The following IGSF23 variants were observed in gnomAD, a reference collection of about 807,000 sequenced individuals.
IGSF23 encodes the protein immunoglobulin superfamily member 23.
A neutral mutation model predicts 17.8 loss-of-function variants in IGSF23; 14 were observed. The observed-to-expected ratio is 0.79, with a 90% CI of 0.52 to 1.23. The LOEUF is 1.23. Among genes scored for constraint, IGSF23 ranks in the 50% most tolerant of loss-of-function variants. The pLI is 0.00. For synonymous variants in IGSF23, 85 were observed against 92.5 expected (o/e 0.92, Z 0.46); for missense variants, 214 against 241.7 (o/e 0.89, Z 0.76).
rs189201550 is a variant in IGSF23, at chr19:44,613,594, G to A, written c.-52G>A. On this transcript the variant is annotated 5_prime_UTR_variant, in exon 1 of 5. Transcript: ENST00000402988. ...TGCCTTTGATGTGAGTGATAGGAGC[G>A]GGCGATTCTGCTTCTCCCTCCATCT... is the stretch of plus-strand genomic sequence containing the variant. 5.8e-5 allele frequency: 87 copies of A among 1,499,430 alleles called. No homozygotes were observed. The highest frequency in any genetic ancestry group is 2.1e-4 in the Admixed American group (10 of 47,090). 92.9% of individuals were successfully genotyped at this position (1,499,430 alleles called of 1,614,324 possible).
intron 1 of IGSF23, 69 bp downstream of exon 1, chr19:44,613,839 C>G (rs527890355): frequency 6.5e-7 from 1 of 1,546,684 alleles, no homozygotes; most frequent in African/African-American, 1.4e-5. Context: ...AGGGTGAGGC[C>G]GGGGCTGCAG....
At chr19:44,628,559 G>A (rs1972704381) in intron 3 of IGSF23, among the ~76,000 whole-genome samples, 1 of 152,050 alleles carries the variant, frequency 6.6e-6, no homozygotes, top group African/African-American at 2.4e-5. Flanking sequence ...ACCAGCCTGA[G>A]CAACATGACA....
rs765217807 is a variant in IGSF23 at position 44,613,625 on chromosome 19, C to T, written c.-21C>T. The T allele has an allele frequency of 5.2e-6, 8 of 1,527,194 alleles. No homozygotes were observed. The highest frequency in any genetic ancestry group is 3.6e-5 in the South Asian group (3 of 82,302). 94.6% of individuals were successfully genotyped at this position (1,527,194 alleles called of 1,614,324 possible). The stretch of plus-strand genomic sequence containing the variant: ...TTCTGCTTCTCCCTCCATCTCCCGG[C>T]GGGGATTGTACGGTGAGAGAATGAG... On this transcript the variant is annotated 5_prime_UTR_variant, in exon 1 of 5. Coordinates refer to ENST00000402988, the MANE Select transcript of IGSF23 (RefSeq NM_001205280.2).
chr19:44,613,792 C>T (rs1372572893), intron 1 of IGSF23, 22 bp downstream of exon 1: 13 of 1,549,848 alleles, frequency 8.4e-6, no homozygotes, highest in Non-Finnish European at 9.6e-6. Context: ...GGGGAAGTGG[C>T]CAGGGTAGGG....
chr19:44,627,615 T>C (rs1010370235), intron 3 of IGSF23, 42 bp downstream of exon 3: 2 of 1,520,074 alleles, frequency 1.3e-6, no homozygotes, highest in African/African-American at 1.4e-5. Flanking sequence ...CAACATCCAC[T>C]CAGCCCCCAT....
chr19:44,633,128 T>A (rs1399663242), intron 3 of IGSF23, among the ~76,000 whole-genome samples: 1 of 152,244 alleles, frequency 6.6e-6, no homozygotes, highest in African/African-American at 2.4e-5. Context: ...GGCTACAGTA[T>A]GTAAATGCAA....
rs762744162 is a variant in IGSF23, at chr19:44,623,732, T to C, written c.151T>C (p.Phe51Leu). ...CCTCCAACTAATGCCACTGAAGACATTCCCAGCTGCTATCCGGGGAGTCAT... is the reference window on the plus strand; with the variant it reads ...CCTCCAACTAATGCCACTGAAGACACTCCCAGCTGCTATCCGGGGAGTCAT... ...LVLQLMPLKT[F>L]PAAIRGVIQS... The change falls in exon 2 of 5, where the codon TTC (phenylalanine) becomes CTC (leucine). Residue 51 changes from phenylalanine (F) to leucine (L), a missense_variant. By Grantham distance (22) the Phe-to-Leu change is conservative (BLOSUM62 0). Transcript: ENST00000402988. The C allele has an allele frequency of 6.4e-7, 1 of 1,551,170 alleles. No individual in the cohort carries two copies. Among genetic ancestry groups the C allele is most frequent in the Non-Finnish European group, 8.7e-7 (1 of 1,147,124 alleles).
At chr19:44,618,981 TAAA>T (rs34199985) in intron 1 of IGSF23, among the ~76,000 whole-genome samples, 22 of 145,130 alleles carry the variant, frequency 1.5e-4, no homozygotes, top group African/African-American at 5.1e-4. Flanking sequence ...GTTATTTATT[TAAA>T]AAAAAAAAAA....
chr19:44,635,570 T>C (rs751104027), intron 4 of IGSF23, 105 bp downstream of exon 4: 4 of 786,184 alleles, frequency 5.1e-6, no homozygotes, highest in Non-Finnish European at 8.1e-6. Flanking sequence ...TCCCTGGTCA[T>C]TTGTCTGTGA....
chr19:44,613,854 G>C, intron 1 of IGSF23, 84 bp downstream of exon 1: 2 of 1,547,570 alleles, frequency 1.3e-6, no homozygotes, highest in Non-Finnish European at 1.7e-6. Flanking sequence ...CTGCAGACGC[G>C]ACTGTACAGG....
intron 3 of IGSF23, among the ~76,000 whole-genome samples, chr19:44,628,193 T>C (rs1045852471): frequency 1.3e-5 from 2 of 152,154 alleles, no homozygotes; most frequent in Non-Finnish European, 2.9e-5. Context: ...TCTGCCTACC[T>C]CAGCTTCCCA....
intron 1 of IGSF23, chr19:44,618,069 T>C (rs1481972709): frequency 4.2e-6 from 2 of 470,952 alleles, no homozygotes; most frequent in Non-Finnish European, 8.8e-6. Flanking sequence ...TTCCCTGCTC[T>C]TCCAAGGCGC....
intron 1 of IGSF23, among the ~76,000 whole-genome samples, chr19:44,616,760 A>AG (rs1972388615): frequency 6.6e-6 from 1 of 151,482 alleles, no homozygotes; most frequent in Non-Finnish European, 1.5e-5. Context: ...AAAAAAAAAA[A>AG]CAGTAAAAGT....
chr19:44,621,588 C>T (rs1972523036), intron 1 of IGSF23, among the ~76,000 whole-genome samples: 1 of 151,842 alleles, frequency 6.6e-6, no homozygotes, highest in African/African-American at 2.4e-5. Context: ...GATTGCACCA[C>T]TACACTCCAG....
intron 3 of IGSF23, among the ~76,000 whole-genome samples, chr19:44,632,929 T>C (rs546921775): frequency 1.3e-5 from 2 of 152,352 alleles, no homozygotes; most frequent in East Asian, 3.9e-4. Context: ...CTGTGTGGAA[T>C]GAACCACGTA....
chr19:44,618,933 T>C (rs763447999), intron 1 of IGSF23, among the ~76,000 whole-genome samples: 1 of 151,622 alleles, frequency 6.6e-6, no homozygotes, highest in Non-Finnish European at 1.5e-5. Context: ...TTGTGTTAGA[T>C]TGTTCTTCCA....
At chr19:44,633,675 A>C (rs929301181) in intron 3 of IGSF23, among the ~76,000 whole-genome samples, 5 of 152,222 alleles carry the variant, frequency 3.3e-5, no homozygotes, top group African/African-American at 9.7e-5. Context: ...CCAGTGCTGT[A>C]GAGAAATGAT....
intron 2 of IGSF23, among the ~76,000 whole-genome samples, chr19:44,626,509 T>C (rs189883475): frequency 1.1e-3 from 169 of 151,866 alleles, no homozygotes; most frequent in Middle Eastern, 6.8e-3. Flanking sequence ...ATCACCAGAG[T>C]GGGCAGGGCT....
chr19:44,613,705 C>T lies in IGSF23; in HGVS notation c.60C>T (p.Pro20=). 6.5e-7 allele frequency: 1 copy of T among 1,549,492 alleles called. No homozygotes were observed. Among genetic ancestry groups the T allele is most frequent in the Non-Finnish European group, 8.7e-7 (1 of 1,146,214 alleles). The stretch of plus-strand genomic sequence containing the variant: ...ACCCTGTCCCAGCCTGGTCCCCACC[C>T]ACCACCACCACTGACCCGATGCTAG... The part of the protein sequence containing the change: ...PRNPVPAWSP[P]TTTTDPMLEK... Residue 20 remains proline, a synonymous_variant, in exon 1 of 5, where the codon CCC becomes CCT. Transcript: ENST00000402988.
Sources: gnomAD v4.1 joint callset for allele counts (sites outside exome capture counted in the v4.1 genomes callset) on GRCh38, gnomAD v4.1.1 for gene constraint, MANE v1.5 for transcripts, NCBI Gene and HGNC (gene_info 2026-07-23, HGNC 2026-07-21) for gene names.